The following SEM1 variants were observed in gnomAD, a reference collection of about 807,000 sequenced individuals.
The protein encoded by SEM1 is SEM1 26S proteasome subunit.
A neutral mutation model predicts 12.7 loss-of-function variants in SEM1; 3 were observed. The ratio of observed to expected loss-of-function variants is 0.24; its 90% CI spans 0.11 to 0.61. SEM1 has a LOEUF of 0.61. SEM1 is among the 20% of genes least tolerant of loss of function. The pLI is 0.88. For missense variants in SEM1, 59 were observed against 81.3 expected (o/e 0.73, Z 1.06); for synonymous variants, 30 against 27.8 (o/e 1.08, Z -0.25).
At position 96,544,826 on chromosome 7, in the gene SEM1, G is replaced by A. The variant is rs1805058680; in HGVS notation, c.171-38128C>T. On this transcript the variant is annotated intron_variant and NMD_transcript_variant, in intron 2 of 3. Coordinates refer to the SEM1 transcript ENST00000466986. ...AGAAAATATATTTACTATTTATTAA[G>A]TGGGAGTGAATCATCACAGAGGTCT... 2.0e-5 allele frequency among the ~76,000 whole-genome samples: 3 copies of A among 151,934 alleles called. No individual in the cohort carries two copies. In the South Asian group the frequency reaches 6.2e-4, roughly 32 times the overall value.
intron 2 of SEM1, chr7:96,622,670 G>T (rs774975078): frequency 1.3e-6 from 1 of 762,750 alleles, no homozygotes; most frequent in South Asian, 1.4e-5. Flanking sequence ...GTAGGTGAAG[G>T]TTTTCTTTTT....
At chr7:96,610,787 T>C (rs914839886) in intron 2 of SEM1, among the ~76,000 whole-genome samples, 5 of 152,210 alleles carry the variant, frequency 3.3e-5, no homozygotes, top group African/African-American at 4.8e-5. Context: ...GATTCAAAAA[T>C]GTTCACAGCG....
chr7:96,684,386 A>C (rs1180081478), downstream of SEM1, among the ~76,000 whole-genome samples: 1 of 151,204 alleles, frequency 6.6e-6, no homozygotes, highest in African/African-American at 2.4e-5. Context: ...AACACACCCC[A>C]CCCTGAGCTG....
intron 2 of SEM1, among the ~76,000 whole-genome samples, chr7:96,638,454 ATATTT>A (rs1392887582): frequency 6.6e-6 from 1 of 152,030 alleles, no homozygotes; most frequent in Non-Finnish European, 1.5e-5. Context: ...TAAACAATAT[ATATTT>A]TTAAAATTAC....
chr7:96,702,416 T>G (rs1368828012), intron 1 of SEM1, among the ~76,000 whole-genome samples: 3 of 152,170 alleles, frequency 2.0e-5, no homozygotes, highest in Non-Finnish European at 4.4e-5. Flanking sequence ...TGATTTCACA[T>G]ATAAAATTAG....
intron 2 of SEM1, among the ~76,000 whole-genome samples, chr7:96,513,003 A>G (rs1303167080): frequency 6.6e-6 from 1 of 152,166 alleles, no homozygotes; most frequent in East Asian, 1.9e-4. Context: ...TGAAGTCCTC[A>G]TTCCCAGAAC....
At chr7:96,499,854 G>T (rs1159198865), upstream of SEM1, among the ~76,000 whole-genome samples, 1 of 151,964 alleles carries the variant, frequency 6.6e-6, no homozygotes, top group Non-Finnish European at 1.5e-5. Flanking sequence ...TTTTTGTTTT[G>T]TTTTAAATTG....
chr7:96,521,260 G>A (rs1480093286), intron 2 of SEM1, among the ~76,000 whole-genome samples: 12 of 152,114 alleles, frequency 7.9e-5, no homozygotes, highest in South Asian at 4.1e-4. Flanking sequence ...GACATGTGGT[G>A]TGTGAAAGGA....
chr7:96,706,075 C>T (rs2116046264), intron 1 of SEM1: 1 of 152,228 alleles, frequency 6.6e-6, no homozygotes, highest in East Asian at 1.9e-4. Context: ...CTGTATATCA[C>T]AAAGATCCTA....
chr7:96,555,916 G>T (rs1446168362), intron 2 of SEM1, among the ~76,000 whole-genome samples: 1 of 146,970 alleles, frequency 6.8e-6, no homozygotes, highest in South Asian at 2.2e-4. Flanking sequence ...AGCTCTTCTT[G>T]TTGAATTGAT....
At chr7:96,634,253 C>A (rs1309951571) in intron 2 of SEM1, among the ~76,000 whole-genome samples, 2 of 152,094 alleles carry the variant, frequency 1.3e-5, no homozygotes, top group African/African-American at 4.8e-5. Flanking sequence ...AGAACTTTGG[C>A]TATCCCTATC....
chr7:96,581,547 TA>T (rs1806408905), intron 2 of SEM1, among the ~76,000 whole-genome samples: 1 of 152,170 alleles, frequency 6.6e-6, no homozygotes, highest in Admixed American at 6.6e-5. Context: ...ATTGAATCTG[TA>T]AATTACCTTG....
At chr7:96,614,028 A>G (rs1807628471) in intron 2 of SEM1, among the ~76,000 whole-genome samples, 1 of 152,228 alleles carries the variant, frequency 6.6e-6, no homozygotes. Flanking sequence ...ACATCTCTTC[A>G]ACATACGAAT....
intron 2 of SEM1, among the ~76,000 whole-genome samples, chr7:96,594,144 T>A (rs185252016): frequency 2.7e-3 from 413 of 152,300 alleles, no homozygotes; most frequent in South Asian, 5.2e-3. Context: ...ATTAGTGAGA[T>A]AATGTCAGCC....
intron 2 of SEM1, among the ~76,000 whole-genome samples, chr7:96,655,298 AGACTTC>A (rs144962273): frequency 0.067 from 10,132 of 152,236 alleles, 389 homozygotes; most frequent in Middle Eastern, 0.12. Flanking sequence ...CAAGTACCAT[AGACTTC>A]CATTGCCATT....
intron 3 of SEM1, chr7:96,484,005 T>C: frequency 9.2e-6 from 13 of 1,405,420 alleles, no homozygotes; most frequent in South Asian, 1.4e-5. Flanking sequence ...AGAAGAATGA[T>C]AAATGCTGTG....
At chr7:96,569,751 A>G (rs1476346805) in intron 2 of SEM1, among the ~76,000 whole-genome samples, 1 of 151,958 alleles carries the variant, frequency 6.6e-6, no homozygotes, top group African/African-American at 2.4e-5. Flanking sequence ...GTCCATGTTT[A>G]TCCTTTGTTT....
chr7:96,555,690 T>A (rs1297411683), intron 2 of SEM1, among the ~76,000 whole-genome samples: 9 of 145,206 alleles, frequency 6.2e-5, no homozygotes, highest in African/African-American at 2.0e-4. Context: ...GAGAGTTCTG[T>A]AGATGTCTAT....
At chr7:96,681,724 G>C (rs1012911010) in intron 2 of SEM1, among the ~76,000 whole-genome samples, 3 of 152,088 alleles carry the variant, frequency 2.0e-5, no homozygotes, top group Non-Finnish European at 4.4e-5. Context: ...TGAGGCCTCT[G>C]TTCTGTTCCA....
Sources: allele counts gnomAD v4.1 joint callset (sites outside exome capture counted in the v4.1 genomes callset), GRCh38; gene constraint gnomAD v4.1.1; transcripts MANE v1.5; gene names NCBI Gene and HGNC (gene_info 2026-07-23, HGNC 2026-07-21).